Variants in RGPD1 observed in about 807,000 individuals in gnomAD.
RGPD1 encodes the protein RANBP2-like and GRIP domain-containing protein 1.
In RGPD1, 7 loss-of-function variants were observed where a neutral mutation model predicts 40.6. That is an observed-to-expected ratio of 0.17 (90% CI 0.10 to 0.32). RGPD1 has a LOEUF of 0.32. RGPD1 is among the 10% of genes least tolerant of loss of function. The pLI, the probability that RGPD1 is intolerant of heterozygous loss-of-function variation, is 1.00. For missense variants in RGPD1, 50 were observed against 472.5 expected, an observed-to-expected ratio of 0.11 and a Z score of 8.29; for synonymous variants, 24 against 167.0, an observed-to-expected ratio of 0.14 and a Z score of 6.60.
Position 87,013,579 on chromosome 2 carries a change from G to C in RGPD1, c.*1032G>C, listed in dbSNP as rs1682276836. 1.4e-5 allele frequency: 1 copy of C among 73,826 alleles called. No homozygotes were observed. The highest frequency in any genetic ancestry group is 6.5e-5 in the African/African-American group (1 of 15,438). 4.6% of individuals were successfully genotyped at this position (73,826 alleles called of 1,614,324 possible). The stretch of plus-strand genomic sequence containing the variant: ...GGCAGGCTTTTCCGAGGCTGAAAGA[G>C]ATCCAACCCACTTCTATTTCTTCAG... On this transcript the variant is annotated 3_prime_UTR_variant, in exon 23 of 23. Coordinates refer to ENST00000641458, the MANE Select transcript of RGPD1 (RefSeq NM_001382344.1).
rs372191719 is a variant in RGPD1, at chr2:86,945,749, C to T, written c.72+3441C>T. 8.3e-3 allele frequency among the ~76,000 whole-genome samples: 1,231 copies of T among 149,202 alleles called. 37 individuals carry two copies. In the East Asian group the frequency reaches 0.11, roughly 13 times the overall value. Reference sequence around the variant, plus strand: ...AAAAATGAGCCGGGCGTGGTGGCAGCGCCTGTAGTCCCACCTACTCGGTAG... The same window carrying T: ...AAAAATGAGCCGGGCGTGGTGGCAGTGCCTGTAGTCCCACCTACTCGGTAG... On this transcript the variant is annotated intron_variant, in intron 1 of 22. Coordinates refer to ENST00000641458, the MANE Select transcript of RGPD1 (RefSeq NM_001382344.1).
upstream of RGPD1, among the ~76,000 whole-genome samples, chr2:86,939,317 C>T (rs887205267): frequency 2.5e-4 from 37 of 147,020 alleles, 2 homozygotes; most frequent in Non-Finnish European, 4.5e-4. Context: ...GGATGCCGGG[C>T]ACCTGTATCC....
rs1324747089 is a variant in RGPD1 at position 86,914,010 on chromosome 2, G to GC, written c.72+91dup. The GC allele has an allele frequency of 2.6e-5, 17 of 641,880 alleles. 2 individuals are homozygous for GC. The highest frequency in any genetic ancestry group is 2.0e-4 in the East Asian group (1 of 5,030). 39.8% of individuals were successfully genotyped at this position (641,880 alleles called of 1,614,324 possible). A position where few individuals can be genotyped will look rare whatever the true frequency, so the allele number is the denominator to read the frequency against. ...GGCGGCGGCGGCGGCCTCGGCCTCG[G>GC]CCTGGCCGGGCGGCGGCGGCGGCGG... is the stretch of plus-strand genomic sequence containing the variant. On this transcript the variant is annotated intron_variant, in intron 1 of 22. Coordinates refer to the RGPD1 transcript ENST00000398193.
Position 86,913,906 on chromosome 2 carries a change from C to T in RGPD1, c.57C>T (p.Ala19=), listed in dbSNP as rs777205167. ...ACCTCGCCTCGGTGCAGGGCTCCGC[C>T]CCGTCGCCTGGAAAGGTGAGTGGAT... is the stretch of plus-strand genomic sequence containing the variant. Residue 19 remains alanine, a synonymous_variant, in exon 1 of 23, where the codon GCC becomes GCT. Transcript: ENST00000398193. 2.8e-5 allele frequency: 43 copies of T among 1,556,608 alleles called. 2 individuals carry two copies. The highest frequency in any genetic ancestry group is 3.3e-5 in the Non-Finnish European group (38 of 1,151,316).
chr2:86,914,179 CGGACGGCGGCGGCGGCCTCG>C (rs1677614568), intron 1 of RGPD1, among the ~76,000 whole-genome samples: 1 of 46,256 alleles, frequency 2.2e-5, no homozygotes, highest in African/African-American at 7.4e-5. Flanking sequence ...TCGGCCTGGC[CGGACGGCGGCGGCGGCCTCG>C]GCCTGGCCGG....
intron 1 of RGPD1, among the ~76,000 whole-genome samples, chr2:86,935,918 A>G (rs1290667499): frequency 1.4e-5 from 2 of 147,666 alleles, no homozygotes; most frequent in South Asian, 4.3e-4. Flanking sequence ...ATTAATGTTC[A>G]GCACTACTTC....
At chr2:87,007,715 A>ACCACAGGATTCCT (rs1356667877) in intron 22 of RGPD1, among the ~76,000 whole-genome samples, 1 of 152,254 alleles carries the variant, frequency 6.6e-6, no homozygotes, top group African/African-American at 2.4e-5. Context: ...CTCTTAGAGA[A>ACCACAGGATTCCT]CCACAGGATT....
At chr2:86,930,584 C>T (rs1342656315) in intron 1 of RGPD1, 1 of 1,611,192 alleles carries the variant, frequency 6.2e-7, no homozygotes, top group African/African-American at 1.3e-5. Context: ...GCCAGAACCA[C>T]CAGAGCTCAT....
rs372940034 is a variant in RGPD1, at chr2:86,914,967, A to G, written c.72+1046A>G. On this transcript the variant is annotated intron_variant, in intron 1 of 22. Coordinates refer to the RGPD1 transcript ENST00000398193. The stretch of plus-strand genomic sequence containing the variant: ...CGGCGGCGGCGGCCTGGCCTAAGGT[A>G]CTTCTGTTGGGGAATATTGTGCAGT... Among the ~76,000 whole-genome samples, 6 of 143,626 alleles carry G rather than the reference A, an allele frequency of 4.2e-5. No individual in the cohort carries two copies. The East Asian group carries it at 1.2e-3, about 29-fold the overall frequency. 94.2% of individuals were successfully genotyped at this position (143,626 alleles called of 152,430 possible).
upstream of RGPD1, among the ~76,000 whole-genome samples, chr2:86,941,238 A>G (rs1415252817): frequency 1.3e-5 from 2 of 150,460 alleles, no homozygotes; most frequent in Non-Finnish European, 3.0e-5. Flanking sequence ...TTTAAAAGTA[A>G]GATTTTAATA....
chr2:86,944,020 A>G (rs1392166587), intron 1 of RGPD1, among the ~76,000 whole-genome samples: 2 of 151,900 alleles, frequency 1.3e-5, no homozygotes, highest in African/African-American at 4.8e-5. Context: ...AAAAAAAACA[A>G]AAAAAAACCA....
chr2:86,915,291 G>A (rs960094828), intron 1 of RGPD1, among the ~76,000 whole-genome samples: 2 of 150,976 alleles, frequency 1.3e-5, no homozygotes, highest in African/African-American at 2.4e-5. Context: ...GTTAGGGTTA[G>A]GGTTAGGGTT....
At chr2:86,941,502 C>G (rs931836037), upstream of RGPD1, among the ~76,000 whole-genome samples, 107 of 149,120 alleles carry the variant, frequency 7.2e-4, 2 homozygotes, top group African/African-American at 2.5e-3. Flanking sequence ...GCCTCGACCT[C>G]CCAAAGTGCT....
chr2:86,929,440 C>T (rs142006269), intron 1 of RGPD1, among the ~76,000 whole-genome samples: 2,034 of 151,772 alleles, frequency 0.013, 48 homozygotes, highest in African/African-American at 0.047. Flanking sequence ...AGCGATCAGA[C>T]ACAGAAATGT....
At chr2:86,942,915 T>G (rs200182865) in intron 1 of RGPD1, among the ~76,000 whole-genome samples, 2,147 of 151,968 alleles carry the variant, frequency 0.014, 70 homozygotes, top group East Asian at 0.14. Flanking sequence ...CCGACGGTGC[T>G]CGCTCGTGGG....
At chr2:86,957,537 T>G (rs1187338076) in intron 4 of RGPD1, among the ~76,000 whole-genome samples, 169 bp from the exon 5 acceptor site, 1 of 152,294 alleles carries the variant, frequency 6.6e-6, no homozygotes, top group Non-Finnish European at 1.5e-5. Flanking sequence ...AGGCTTAGTT[T>G]CTGGGTTGTA....
rs1438068801 is a variant in RGPD1 at position 86,920,100 on chromosome 2, T to C, written c.72+6179T>C. 2.9e-4 allele frequency among the ~76,000 whole-genome samples: 44 copies of C among 152,098 alleles called. 1 individual carries two copies. Among genetic ancestry groups the C allele is most frequent in the East Asian group, 1.4e-3 (7 of 5,178 alleles). On this transcript the variant is annotated intron_variant, in intron 1 of 22. Transcript: ENST00000398193. ...TCTTTCCTTTTTTAAGACGGGGTTT[T>C]GCTCTGTCGTCTAGGCTGGAATGCA...
intron 1 of RGPD1, among the ~76,000 whole-genome samples, chr2:86,918,232 C>T (rs1243831145): frequency 2.7e-5 from 4 of 149,842 alleles, no homozygotes; most frequent in African/African-American, 7.3e-5. Flanking sequence ...TACCTCTCAC[C>T]CTCTTCCCCC....
intron 1 of RGPD1, among the ~76,000 whole-genome samples, chr2:86,944,240 G>A (rs1009805878): frequency 6.6e-6 from 1 of 152,050 alleles, no homozygotes; most frequent in African/African-American, 2.4e-5. Context: ...TGGGAACAGT[G>A]GAGTAAGTTA....
Sources: allele counts gnomAD v4.1 joint callset (sites outside exome capture counted in the v4.1 genomes callset), GRCh38; gene constraint gnomAD v4.1.1; transcripts MANE v1.5; gene names NCBI Gene and HGNC (gene_info 2026-07-23, HGNC 2026-07-21).